PCDHB1: variants seen among roughly 807,000 people sequenced by gnomAD.
PCDHB1 encodes the protein protocadherin beta-1.
A neutral mutation model predicts 43.5 loss-of-function variants in PCDHB1; 44 were observed. The ratio of observed to expected loss-of-function variants is 1.01; its 90% CI spans 0.79 to 1.30. The LOEUF is 1.30. Ranked by LOEUF, PCDHB1 falls within the 50% of genes most tolerant of loss-of-function variation. PCDHB1 has a pLI of 0.00. For synonymous variants in PCDHB1, 392 were observed against 400.8 expected (o/e 0.98, Z 0.26); for missense variants, 919 against 1,008.9 (o/e 0.91, Z 1.21).
rs782699473 is a variant in PCDHB1 at position 141,052,673 on chromosome 5, T to C, written c.1203T>C (p.Ser401=). ...TAATCAAACCTACATTTGGGAATTC[T>C]TACTCACTGGTCACTGACAGAAGCT... ...PFVIKPTFGN[S]YSLVTDRSLD... Residue 401 remains serine, a synonymous_variant, in exon 1 of 1, where the codon TCT becomes TCC. Coordinates refer to ENST00000306549, the MANE Select transcript of PCDHB1 (RefSeq NM_013340.4). 8 of 1,614,100 alleles carry C rather than the reference T, an allele frequency of 5.0e-6. No individual in the cohort carries two copies. Among genetic ancestry groups the C allele is most frequent in the South Asian group, 1.1e-5 (1 of 91,084 alleles).
chr5:141,057,613 A>G lies in PCDHB1; in HGVS notation c.*3686A>G, dbSNP rs1323545157. On this transcript the variant is annotated 3_prime_UTR_variant, in exon 1 of 1. Transcript: ENST00000306549. Reference sequence around the variant, plus strand: ...AGATAACAATCTCATAAAAGAAACCATCCTTTAAATTTAAAAAATGTATCG... The same window carrying G: ...AGATAACAATCTCATAAAAGAAACCGTCCTTTAAATTTAAAAAATGTATCG... 2 of 151,868 alleles carry G rather than the reference A, an allele frequency of 1.3e-5. No homozygotes were observed. The highest frequency in any genetic ancestry group is 2.9e-5 in the Non-Finnish European group (2 of 67,960). 9.4% of individuals were successfully genotyped at this position (151,868 alleles called of 1,614,324 possible).
At position 141,059,115 on chromosome 5, in the gene PCDHB1, A is replaced by G. The variant is rs1554268015; in HGVS notation, c.*5188A>G. On this transcript the variant is annotated 3_prime_UTR_variant, in exon 1 of 1. Coordinates refer to ENST00000306549, the MANE Select transcript of PCDHB1 (RefSeq NM_013340.4). ...ATGCATAAAGTTTTAACTTTAAATG[A>G]AAATTATACTAACATAATTTTAAAT... 3.2e-4 allele frequency: 49 copies of G among 152,144 alleles called. No individual in the cohort carries two copies. The highest frequency in any genetic ancestry group is 1.5e-5 in the Non-Finnish European group (1 of 67,984). 9.4% of individuals were successfully genotyped at this position (152,144 alleles called of 1,614,324 possible).
rs1487239512 is a variant in PCDHB1 at position 141,053,808 on chromosome 5, T to C, written c.2338T>C (p.Phe780Leu). 1 of 1,613,994 alleles carries C rather than the reference T, an allele frequency of 6.2e-7. No homozygotes were observed. The highest frequency in any genetic ancestry group is 8.5e-7 in the Non-Finnish European group (1 of 1,179,994). ...TAAGCGTTTTATGCCCAACTTCCCT[T>C]TCCCTCATGCCACTGGGGAGATAAA... is the stretch of plus-strand genomic sequence containing the variant. Reference protein sequence around the residue: ...FLKRFMPNFPFPHATGEIKME... With the variant: ...FLKRFMPNFPLPHATGEIKME... The change falls in exon 1 of 1, where the codon TTC becomes CTC. Residue 780 changes from phenylalanine to leucine, a missense_variant. Physicochemically the swap from Phe to Leu is conservative, Grantham distance 22. Coordinates refer to ENST00000306549, the MANE Select transcript of PCDHB1 (RefSeq NM_013340.4).
chr5:141,055,625 A>T lies in PCDHB1; in HGVS notation c.*1698A>T, dbSNP rs1170071101. On this transcript the variant is annotated 3_prime_UTR_variant, in exon 1 of 1. Transcript: ENST00000306549. ...CATTAATACTAATTAAGTGGCATTAAGGAAAGACACATTTTCAGGTAGTAC... is the reference window on the plus strand; with the variant it reads ...CATTAATACTAATTAAGTGGCATTATGGAAAGACACATTTTCAGGTAGTAC... 4.6e-5 allele frequency: 7 copies of T among 152,252 alleles called. No individual in the cohort carries two copies. The highest frequency in any genetic ancestry group is 1.2e-4 in the African/African-American group (5 of 41,466). The allele number at this position is 152,252 out of a possible 1,614,324, so 9.4% of individuals were successfully genotyped here. A position where few individuals can be genotyped will look rare whatever the true frequency, so the allele number is the denominator to read the frequency against.
rs1225567827 is a variant in PCDHB1 at position 141,056,983 on chromosome 5, C to A, written c.*3056C>A. Reference sequence around the variant, plus strand: ...GCTTAAGTAAAAGCTACTGTATTAACTGTGTTTCATTACACTTAATGATGT... The same window carrying A: ...GCTTAAGTAAAAGCTACTGTATTAAATGTGTTTCATTACACTTAATGATGT... On this transcript the variant is annotated 3_prime_UTR_variant, in exon 1 of 1. Coordinates refer to ENST00000306549, the MANE Select transcript of PCDHB1 (RefSeq NM_013340.4). 1.3e-5 allele frequency: 2 copies of A among 152,138 alleles called. No individual in the cohort carries two copies. The highest frequency in any genetic ancestry group is 2.9e-5 in the Non-Finnish European group (2 of 68,018). 9.4% of individuals were successfully genotyped at this position (152,138 alleles called of 1,614,324 possible).
In PCDHB1 at chr5:141,059,089, C is replaced by T. The variant is rs538286089; in HGVS notation, c.*5162C>T. On this transcript the variant is annotated 3_prime_UTR_variant, in exon 1 of 1. Transcript: ENST00000306549. ...ATCATAAAGTAACCCCATTAAGGTT[C>T]ATGCATAAAGTTTTAACTTTAAATG... 7.2e-5 allele frequency: 11 copies of T among 151,988 alleles called. No homozygotes were observed. Among genetic ancestry groups the T allele is most frequent in the Non-Finnish European group, 1.3e-4 (9 of 67,944 alleles). The allele number at this position is 151,988 out of a possible 1,614,324, so 9.4% of individuals were successfully genotyped here. A position where few individuals can be genotyped will look rare whatever the true frequency, so the allele number is the denominator to read the frequency against.
In PCDHB1 at chr5:141,051,482, G is replaced by A. The variant is rs781854267; in HGVS notation, c.12G>A (p.Thr4=). 1.3e-5 allele frequency: 21 copies of A among 1,613,888 alleles called. No individual in the cohort carries two copies. In the East Asian group the frequency reaches 4.0e-4, roughly 31 times the overall value. Reference sequence around the variant, plus strand: ...GCTTGTGAGAACTGATGGCGGGTACGCGCAGAAAATCTTTGCAAAACAGGC... The same window carrying A: ...GCTTGTGAGAACTGATGGCGGGTACACGCAGAAAATCTTTGCAAAACAGGC... MAG[T]RRKSLQNRQV... Residue 4 remains threonine, a synonymous_variant, in exon 1 of 1, where the codon ACG becomes ACA. Coordinates refer to ENST00000306549, the MANE Select transcript of PCDHB1 (RefSeq NM_013340.4).
rs781860083 is a variant in PCDHB1 at position 141,053,433 on chromosome 5, A to T, written c.1963A>T (p.Thr655Ser). 1 of 1,614,178 alleles carries T rather than the reference A, an allele frequency of 6.2e-7. No individual in the cohort carries two copies. The highest frequency in any genetic ancestry group is 1.3e-5 in the African/African-American group (1 of 75,050). Residue 655 changes from threonine to serine, a missense_variant, in exon 1 of 1, where the codon ACT becomes TCT. Physicochemically the swap from Thr to Ser is moderately conservative, Grantham distance 58. Coordinates refer to ENST00000306549, the MANE Select transcript of PCDHB1 (RefSeq NM_013340.4). ...VQDHGQPALSTTVSLNILLVD... is the reference protein window; with the variant it reads ...VQDHGQPALSSTVSLNILLVD... ...GGATCACGGCCAACCAGCTCTTTCCACTACTGTCTCACTCAACATCCTGCT... is the reference window on the plus strand; with the variant it reads ...GGATCACGGCCAACCAGCTCTTTCCTCTACTGTCTCACTCAACATCCTGCT...
rs782643006 is a variant in PCDHB1 at position 141,052,820 on chromosome 5, A to G, written c.1350A>G (p.Pro450=). The change falls in exon 1 of 1, where the codon CCA becomes CCG. Residue 450 remains proline, a synonymous_variant. Transcript: ENST00000306549. ...VLISDVNDNP[P]IFREDSYILT... The stretch of plus-strand genomic sequence containing the variant: ...TATCCGACGTTAATGACAATCCTCC[A>G]ATATTTCGGGAAGATTCCTATATCT... The G allele has an allele frequency of 3.7e-6, 6 of 1,614,144 alleles. No homozygotes were observed. The South Asian group carries it at 6.6e-5, about 18-fold the overall frequency.
rs1751041202 is a variant in PCDHB1, at chr5:141,053,238, G to C, written c.1768G>C (p.Val590Leu). 2 of 1,614,222 alleles carry C rather than the reference G, an allele frequency of 1.2e-6. No homozygotes were observed. The highest frequency in any genetic ancestry group is 2.2e-5 in the East Asian group (1 of 44,880). ...AGAGGCAGGCTACCTAGTGACCAAAGTGGTGGCTGTGGATGGTGACTCAGG... is the reference window on the plus strand; with the variant it reads ...AGAGGCAGGCTACCTAGTGACCAAACTGGTGGCTGTGGATGGTGACTCAGG... ...SAEAGYLVTK[V>L]VAVDGDSGQN... is the part of the protein sequence containing the mutation. Residue 590 changes from valine to leucine, a missense_variant, in exon 1 of 1, where the codon GTG (valine) becomes CTG (leucine). Val to Leu is a conservative substitution (Grantham distance 32). Coordinates refer to ENST00000306549, the MANE Select transcript of PCDHB1 (RefSeq NM_013340.4).
rs782703411 is a variant in PCDHB1, at chr5:141,051,713, G to A, written c.243G>A (p.Thr81=). 6.8e-6 allele frequency: 11 copies of A among 1,614,232 alleles called. No individual in the cohort carries two copies. The highest frequency in any genetic ancestry group is 4.4e-5 in the South Asian group (4 of 91,084). The change falls in exon 1 of 1, where the codon ACG becomes ACA. Residue 81 remains threonine (T), a synonymous_variant. Transcript: ENST00000306549. ...NKMHFRLHRK[T]GDLFVKEKLD... is the part of the protein sequence containing the mutation. ...TGCATTTCCGGCTCCACCGCAAGAC[G>A]GGAGATTTGTTTGTGAAGGAGAAAC...
At position 141,053,483 on chromosome 5, in the gene PCDHB1, C is replaced by T. The variant is rs376025740; in HGVS notation, c.2013C>T (p.Tyr671=). The T allele has an allele frequency of 7.4e-6, 12 of 1,614,144 alleles. No individual in the cohort carries two copies. Among genetic ancestry groups the T allele is most frequent in the Non-Finnish European group, 9.3e-6 (11 of 1,180,018 alleles). The change falls in exon 1 of 1, where the codon TAC becomes TAT. Residue 671 remains tyrosine, a synonymous_variant. Transcript: ENST00000306549. Reference sequence around the variant, plus strand: ...TGGTAGATGGCTTTTCAGAGCCCTACCTGCAGTTCCAGGATCCAACCAAGC... The same window carrying T: ...TGGTAGATGGCTTTTCAGAGCCCTATCTGCAGTTCCAGGATCCAACCAAGC... ...ILLVDGFSEP[Y]LQFQDPTKHS...
chr5:141,051,484 G>T lies in PCDHB1; in HGVS notation c.14G>T (p.Arg5Leu). The T allele has an allele frequency of 6.2e-7, 1 of 1,613,870 alleles. No homozygotes were observed. Among genetic ancestry groups the T allele is most frequent in the Non-Finnish European group, 8.5e-7 (1 of 1,179,738 alleles). The change falls in exon 1 of 1, where the codon CGC (arginine) becomes CTC (leucine). Residue 5 changes from arginine (R) to leucine (L), a missense_variant. Transcript: ENST00000306549. ...TTGTGAGAACTGATGGCGGGTACGC[G>T]CAGAAAATCTTTGCAAAACAGGCAA... MAGT[R>L]RKSLQNRQVG...
Position 141,053,250 on chromosome 5 carries a change from G to C in PCDHB1, c.1780G>C (p.Asp594His). The change falls in exon 1 of 1, where the codon GAT becomes CAT. Residue 594 changes from aspartate (D) to histidine (H), a missense_variant. Transcript: ENST00000306549. ...GYLVTKVVAV[D>H]GDSGQNSWLS... ...CCTAGTGACCAAAGTGGTGGCTGTG[G>C]ATGGTGACTCAGGTCAGAATTCTTG... The C allele has an allele frequency of 6.2e-7, 1 of 1,614,248 alleles. No homozygotes were observed. Among genetic ancestry groups the C allele is most frequent in the Non-Finnish European group, 8.5e-7 (1 of 1,180,050 alleles).
Position 141,052,126 on chromosome 5 carries a change from C to G in PCDHB1, c.656C>G (p.Ser219Cys). 6.2e-7 allele frequency: 1 copy of G among 1,612,842 alleles called. No individual in the cohort carries two copies. Among genetic ancestry groups the G allele is most frequent in the Non-Finnish European group, 8.5e-7 (1 of 1,179,520 alleles). Residue 219 changes from serine to cysteine, a missense_variant, in exon 1 of 1, where the codon TCC (serine) becomes TGC (cysteine). Coordinates refer to ENST00000306549, the MANE Select transcript of PCDHB1 (RefSeq NM_013340.4). ...NLTITAVDGG[S>C]PPKSGTAHIH... The stretch of plus-strand genomic sequence containing the variant: ...ACAATTACGGCGGTGGACGGCGGGT[C>G]CCCGCCTAAGTCTGGCACAGCTCAC...
rs1554267397 is a variant in PCDHB1, at chr5:141,053,161, A to G, written c.1691A>G (p.Tyr564Cys). Residue 564 changes from tyrosine (Y) to cysteine (C), a missense_variant, in exon 1 of 1, where the codon TAC (tyrosine) becomes TGC (cysteine). By Grantham distance (194) the Tyr-to-Cys change is radical. Transcript: ENST00000306549. ...DDNDNRPMIL[Y>C]PLQNGTLPCN... The stretch of plus-strand genomic sequence containing the variant: ...AATGACAATCGTCCAATGATCTTAT[A>G]CCCACTGCAGAACGGCACCTTGCCC... The G allele has an allele frequency of 1.2e-6, 2 of 1,614,122 alleles. No homozygotes were observed. Among genetic ancestry groups the G allele is most frequent in the Non-Finnish European group, 8.5e-7 (1 of 1,180,020 alleles).
rs1554267307 is a variant in PCDHB1 at position 141,052,771 on chromosome 5, C to T, written c.1301C>T (p.Ala434Val). 1 of 1,614,140 alleles carries T rather than the reference C, an allele frequency of 6.2e-7. No homozygotes were observed. The highest frequency in any genetic ancestry group is 8.5e-7 in the Non-Finnish European group (1 of 1,180,014). Residue 434 changes from alanine (A) to valine (V), a missense_variant, in exon 1 of 1, where the codon GCC (alanine) becomes GTC (valine). Ala to Val is a moderately conservative substitution (Grantham distance 64). Coordinates refer to ENST00000306549, the MANE Select transcript of PCDHB1 (RefSeq NM_013340.4). ...AMDTGPPSLS[A>V]ETMIEVLISD... ...GATACTGGACCACCTAGCTTGTCTG[C>T]CGAGACTATGATAGAGGTGCTAATA...
rs1751063401 is a variant in PCDHB1, at chr5:141,053,824, G to C, written c.2354G>C (p.Gly785Ala). 3.1e-6 allele frequency: 5 copies of C among 1,613,976 alleles called. No homozygotes were observed. In the East Asian group the frequency reaches 1.1e-4, roughly 36 times the overall value. ...AACTTCCCTTTCCCTCATGCCACTG[G>C]GGAGATAAAAATGGAGGCTGGCTCC... ...MPNFPFPHAT[G>A]EIKMEAGSSL... Residue 785 changes from glycine (G) to alanine (A), a missense_variant, in exon 1 of 1, where the codon GGG (glycine) becomes GCG (alanine). By Grantham distance (60) the Gly-to-Ala change is moderately conservative. Coordinates refer to ENST00000306549, the MANE Select transcript of PCDHB1 (RefSeq NM_013340.4).
In PCDHB1 at chr5:141,057,747, T is replaced by C. The variant is rs1223730267; in HGVS notation, c.*3820T>C. 6.6e-6 allele frequency: 1 copy of C among 152,132 alleles called. No homozygotes were observed. 9.4% of individuals were successfully genotyped at this position (152,132 alleles called of 1,614,324 possible). ...CAAGTTCCCAAGAAAATTCCAATCC[T>C]ACCTGATAACTTAAAATAAGAATAT... is the stretch of plus-strand genomic sequence containing the variant. On this transcript the variant is annotated 3_prime_UTR_variant, in exon 1 of 1. Transcript: ENST00000306549.
Sources: allele counts gnomAD v4.1 joint callset, GRCh38; gene constraint gnomAD v4.1.1; transcripts MANE v1.5; gene names NCBI Gene and HGNC (gene_info 2026-07-23, HGNC 2026-07-21).